The following SH3PXD2A variants were observed in gnomAD, a reference collection of about 807,000 sequenced individuals.
The protein encoded by SH3PXD2A is SH3 and PX domains 2A.
In SH3PXD2A, 32 loss-of-function variants were observed where a neutral mutation model predicts 115.2. The observed-to-expected ratio is 0.28, with a 90% confidence interval of 0.21 to 0.37. SH3PXD2A has a LOEUF of 0.37. Among genes scored for constraint, SH3PXD2A ranks in the 10% least tolerant of loss-of-function variants. SH3PXD2A has a pLI of 1.00. For synonymous variants in SH3PXD2A, 610 were observed against 629.1 expected (o/e 0.97, Z 0.45); for missense variants, 1,328 against 1,498.7 (o/e 0.89, Z 1.88).
Position 103,841,180 on chromosome 10 carries a change from T to A in SH3PXD2A, c.72+14015A>T, listed in dbSNP as rs577444718. On this transcript the variant is annotated intron_variant, in intron 1 of 14. Transcript: ENST00000369774. ...TAGAATGAAGCCTTTGTCCAGGGAT[T>A]TATCACACTGATCCAGGACGCACCA... Among the ~76,000 whole-genome samples, 9 of 152,198 alleles carry A rather than the reference T, an allele frequency of 5.9e-5. No individual in the cohort carries two copies. In the South Asian group the frequency reaches 1.9e-3, roughly 32 times the overall value.
In SH3PXD2A at chr10:103,650,951, A is replaced by C. The variant is rs115195965; in HGVS notation, c.604+10032T>G. ...CCCAGTGCTGGCCATGCCACAGGGC[A>C]CACAGTAGATGCTCATGTTTGTTGA... On this transcript the variant is annotated intron_variant, in intron 8 of 14. Transcript: ENST00000369774. 2.0e-3 allele frequency among the ~76,000 whole-genome samples: 311 copies of C among 152,350 alleles called. 1 individual carries two copies. The highest frequency in any genetic ancestry group is 7.0e-3 in the African/African-American group (292 of 41,572).
intron 8 of SH3PXD2A, among the ~76,000 whole-genome samples, chr10:103,635,210 G>A (rs2036845587): frequency 1.3e-5 from 2 of 152,214 alleles, no homozygotes; most frequent in African/African-American, 4.8e-5. Flanking sequence ...GCCCAGGTTC[G>A]GGGCAGCTGT....
chr10:103,776,694 G>A (rs756973908), intron 2 of SH3PXD2A, among the ~76,000 whole-genome samples: 2 of 152,076 alleles, frequency 1.3e-5, no homozygotes, highest in Non-Finnish European at 2.9e-5. Context: ...GTAAAAAGGA[G>A]AACCTTGATC....
At chr10:103,805,051 G>A (rs988872648) in intron 1 of SH3PXD2A, among the ~76,000 whole-genome samples, 17 of 152,290 alleles carry the variant, frequency 1.1e-4, no homozygotes, top group South Asian at 4.1e-4. Context: ...GGCTGCATTC[G>A]CCTGCAGGAC....
Position 103,622,542 on chromosome 10 carries a change from G to A in SH3PXD2A, c.730C>T (p.Arg244Cys), listed in dbSNP as rs746206752. 5.4e-5 allele frequency: 84 copies of A among 1,549,742 alleles called. No individual in the cohort carries two copies. The East Asian group carries it at 1.1e-3, about 20-fold the overall frequency. ...TCCAGGCGCCGCAGATGGGCCTTGC[G>A]TCTCTTGGACACTGGTGTGGGAGAT... ...TSKTGEVSKR[R>C]KAHLRRLDRR... The change falls in exon 10 of 15, where the codon CGC becomes TGC. Residue 244 changes from arginine (R) to cysteine (C), a missense_variant. Physicochemically the swap from Arg to Cys is radical, Grantham distance 180. Transcript: ENST00000369774.
rs781087398 is a variant in SH3PXD2A at position 103,784,004 on chromosome 10, G to A, written c.154-16835C>T. 2.0e-5 allele frequency among the ~76,000 whole-genome samples: 3 copies of A among 152,210 alleles called. No individual in the cohort carries two copies. The highest frequency in any genetic ancestry group is 4.4e-5 in the Non-Finnish European group (3 of 68,036). ...GGAATGCAACAGGAAAAGTCCCCCC[G>A]CAAAGCTTGCTGTCTTCCAAGCCCA... On this transcript the variant is annotated intron_variant, in intron 2 of 14. Transcript: ENST00000369774. The surrounding 1 kb of genome is among the most constrained non-coding windows in gnomAD (Gnocchi z 4.4).
At chr10:103,783,451 G>T (rs1482295112) in intron 2 of SH3PXD2A, among the ~76,000 whole-genome samples, 1 of 63,736 alleles carries the variant, frequency 1.6e-5, no homozygotes, top group African/African-American at 3.8e-5. Flanking sequence ...GCTGTCTCTG[G>T]GGGGCAGAGT....
At chr10:103,730,037 A>AG (rs2038295381) in intron 4 of SH3PXD2A, among the ~76,000 whole-genome samples, 1 of 152,142 alleles carries the variant, frequency 6.6e-6, no homozygotes, top group Non-Finnish European at 1.5e-5. Flanking sequence ...GTGGCACAGG[A>AG]GGGGGCCCCG....
chr10:103,816,997 A>ATTTTTTTTTTT (rs56260224), intron 1 of SH3PXD2A, among the ~76,000 whole-genome samples: 5 of 99,594 alleles, frequency 5.0e-5, no homozygotes, highest in East Asian at 3.2e-4. Context: ...CACCCGGCTA[A>ATTTTTTTTTTT]TTTTTTTTTT....
At chr10:103,671,915 G>T (rs896823260) in intron 6 of SH3PXD2A, among the ~76,000 whole-genome samples, 1 of 152,240 alleles carries the variant, frequency 6.6e-6, no homozygotes, top group Non-Finnish European at 1.5e-5. Flanking sequence ...CTGCTAGAAA[G>T]TAAAGGGCAT....
intron 2 of SH3PXD2A, among the ~76,000 whole-genome samples, chr10:103,798,839 A>T (rs1176079728): frequency 1.3e-5 from 2 of 152,200 alleles, no homozygotes; most frequent in African/African-American, 4.8e-5. Context: ...CAGGGAGCTC[A>T]CCACAGAGTG....
chr10:103,711,867 C>T (rs2038050745), intron 5 of SH3PXD2A, among the ~76,000 whole-genome samples: 1 of 152,018 alleles, frequency 6.6e-6, no homozygotes. Flanking sequence ...CTAGCAGGGG[C>T]AACAGAGCCA....
chr10:103,712,201 G>A (rs2038054894), intron 5 of SH3PXD2A, among the ~76,000 whole-genome samples: 1 of 152,208 alleles, frequency 6.6e-6, no homozygotes, highest in African/African-American at 2.4e-5. Context: ...CTTAAAACAA[G>A]TACATATTAT....
chr10:103,852,322 C>T (rs533264338), intron 1 of SH3PXD2A, among the ~76,000 whole-genome samples: 14 of 152,370 alleles, frequency 9.2e-5, no homozygotes, highest in Non-Finnish European at 1.6e-4. Context: ...TCCCCCTCCC[C>T]GTGGGGATGA....
chr10:103,757,359 T>C (rs2038653980), intron 3 of SH3PXD2A, among the ~76,000 whole-genome samples: 2 of 152,106 alleles, frequency 1.3e-5, no homozygotes, highest in Admixed American at 1.3e-4. Flanking sequence ...CAGGCCCGGG[T>C]GCATTTTCTG....
intron 1 of SH3PXD2A, among the ~76,000 whole-genome samples, chr10:103,809,769 C>T (rs929923994): frequency 1.3e-5 from 2 of 151,642 alleles, no homozygotes; most frequent in African/African-American, 4.8e-5. Context: ...ACTACAACCT[C>T]CACCTCCCAG....
At chr10:103,680,606 G>T (rs1042525195) in intron 6 of SH3PXD2A, among the ~76,000 whole-genome samples, 12 of 152,148 alleles carry the variant, frequency 7.9e-5, no homozygotes, top group African/African-American at 2.9e-4. Context: ...AGGAAGCAAA[G>T]GGACTTTCTA....
chr10:103,759,437 G>A (rs982345906), intron 3 of SH3PXD2A, among the ~76,000 whole-genome samples: 50 of 152,304 alleles, frequency 3.3e-4, no homozygotes, highest in African/African-American at 1.2e-3. Context: ...GGATAGCGAT[G>A]CATGGGACTA....
intron 7 of SH3PXD2A, among the ~76,000 whole-genome samples, chr10:103,662,401 T>G (rs1357696971): frequency 8.2e-5 from 11 of 133,944 alleles, no homozygotes; most frequent in African/African-American, 3.3e-4. Context: ...TTTTTTTTTT[T>G]TTTTTTTTTG....
Sources: allele counts gnomAD v4.1 joint callset (sites outside exome capture counted in the v4.1 genomes callset), GRCh38; gene constraint gnomAD v4.1.1; non-coding constraint Gnocchi (gnomAD v3.1); transcripts MANE v1.5; gene names NCBI Gene and HGNC (gene_info 2026-07-23, HGNC 2026-07-21).